EDRF1: variants seen among roughly 807,000 people sequenced by gnomAD.
The protein encoded by EDRF1 is erythroid differentiation-related factor 1.
In EDRF1, 69 loss-of-function variants were observed where a neutral mutation model predicts 148.7. The observed-to-expected ratio is 0.46, with a 90% CI of 0.38 to 0.57. The LOEUF (loss-of-function observed/expected upper bound fraction) is 0.57, where lower values mean the gene tolerates loss of function less well. Ranked by LOEUF, EDRF1 falls within the 20% of genes least tolerant of loss-of-function variation. EDRF1 has a pLI of 0.00. For synonymous variants in EDRF1, 515 were observed against 532.8 expected, an observed-to-expected ratio of 0.97 and a Z score of 0.46; for missense variants, 1,118 against 1,478.7, an observed-to-expected ratio of 0.76 and a Z score of 4.00.
At chr10:125,724,514 G>T (rs1397958958) in intron 4 of EDRF1, among the ~76,000 whole-genome samples, 1 of 152,204 alleles carries the variant, frequency 6.6e-6, no homozygotes, top group African/African-American at 2.4e-5. Context: ...TAGGTAGGGA[G>T]TAGGCTGTAC....
At chr10:125,725,585 A>G (rs983314036) in intron 5 of EDRF1, 97 bp from the exon 6 acceptor site, 1 of 1,573,250 alleles carries the variant, frequency 6.4e-7, no homozygotes, top group Non-Finnish European at 8.7e-7. Flanking sequence ...TACAAGATGT[A>G]TGCTTAATTA....
Position 125,745,744 on chromosome 10 carries a change from G to A in EDRF1, c.2628G>A (p.Trp876Ter). 6.2e-7 allele frequency: 1 copy of A among 1,614,168 alleles called. No individual in the cohort carries two copies. Among genetic ancestry groups the A allele is most frequent in the Non-Finnish European group, 8.5e-7 (1 of 1,180,024 alleles). The change falls in exon 19 of 25, where the codon TGG becomes TGA. Residue 876 changes from tryptophan to a stop codon, truncating the protein, a stop_gained. Coordinates refer to ENST00000356792, the MANE Select transcript of EDRF1 (RefSeq NM_001202438.2). LOFTEE classifies it high-confidence loss of function. ...KSVSAAEQQL[W>*]KKSFSCFEKG... is the part of the protein sequence containing the mutation. ...TGTCTGCTGCCGAGCAACAGTTGTG[G>A]AAAAAAAGCTTTTCTTGTTTTGAAA...
chr10:125,756,901 T>C, intron 24 of EDRF1: 1 of 409,122 alleles, frequency 2.4e-6, no homozygotes, highest in Non-Finnish European at 4.8e-6. Context: ...CAGCCCCAAC[T>C]TCCTGGGCTC....
At chr10:125,722,912 G>A (rs574633907) in intron 2 of EDRF1, among the ~76,000 whole-genome samples, 156 bp from the exon 3 acceptor site, 1 of 152,140 alleles carries the variant, frequency 6.6e-6, no homozygotes, top group African/African-American at 2.4e-5. Flanking sequence ...AAAAAAACTT[G>A]CCAACTGTGA....
At chr10:125,731,359 CTT>C (rs1277547726) in intron 9 of EDRF1, among the ~76,000 whole-genome samples, 1 of 152,118 alleles carries the variant, frequency 6.6e-6, no homozygotes, top group Non-Finnish European at 1.5e-5. Flanking sequence ...GGAGGAAAGA[CTT>C]TGTGGAAGAA....
At chr10:125,734,827 AG>A (rs1321987842) in intron 12 of EDRF1, among the ~76,000 whole-genome samples, 1 of 152,178 alleles carries the variant, frequency 6.6e-6, no homozygotes, top group Non-Finnish European at 1.5e-5. Context: ...TTCACTGTTA[AG>A]GCTATTTGTT....
chr10:125,734,611 C>T (rs778630234), intron 12 of EDRF1, among the ~76,000 whole-genome samples: 10 of 151,984 alleles, frequency 6.6e-5, no homozygotes, highest in Admixed American at 2.0e-4. Context: ...TTTGTTTTGT[C>T]GCTATTAGAC....
intron 18 of EDRF1, among the ~76,000 whole-genome samples, chr10:125,743,491 C>T (rs1849142628): frequency 1.3e-5 from 2 of 152,160 alleles, no homozygotes; most frequent in Non-Finnish European, 2.9e-5. Flanking sequence ...TACTTTTGTA[C>T]TCACTCCATC....
intron 9 of EDRF1, among the ~76,000 whole-genome samples, chr10:125,732,962 TTCTC>T (rs1237772355): frequency 1.3e-5 from 2 of 152,124 alleles, no homozygotes; most frequent in Non-Finnish European, 2.9e-5. Flanking sequence ...TCCTAAATGA[TTCTC>T]TCTCCTTGAG....
Position 125,747,704 on chromosome 10 carries a change from T to C in EDRF1, c.2973+10T>C, listed in dbSNP as rs1379394662. ...AAAAGCTCAGGAGCAGGTGATAATATTTGCTGGAGTATAAAATAAGTTCTC... is the reference window on the plus strand; with the variant it reads ...AAAAGCTCAGGAGCAGGTGATAATACTTGCTGGAGTATAAAATAAGTTCTC... On this transcript the variant is annotated intron_variant, in intron 20 of 24. Transcript: ENST00000356792. 2.7e-5 allele frequency: 43 copies of C among 1,613,990 alleles called. No individual in the cohort carries two copies. Among genetic ancestry groups the C allele is most frequent in the Non-Finnish European group, 3.4e-5 (40 of 1,179,966 alleles).
In EDRF1 at chr10:125,725,307, A is replaced by G. The variant is rs1190651385; in HGVS notation, c.511-11A>G. On this transcript the variant is annotated splice_polypyrimidine_tract_variant and intron_variant, in intron 4 of 24. Coordinates refer to ENST00000356792, the MANE Select transcript of EDRF1 (RefSeq NM_001202438.2). ...GTGTTGTATTAATAATATGTATCTC[A>G]TGTTATCCAGACTGGTGACTGGACA... 1 of 1,613,818 alleles carries G rather than the reference A, an allele frequency of 6.2e-7. No individual in the cohort carries two copies. The highest frequency in any genetic ancestry group is 8.5e-7 in the Non-Finnish European group (1 of 1,179,782).
At chr10:125,743,325 T>C in intron 18 of EDRF1, 49 bp downstream of exon 18, 1 of 1,528,288 alleles carries the variant, frequency 6.5e-7, no homozygotes, top group Non-Finnish European at 9.0e-7. Context: ...CTCAGAAAAT[T>C]ATGCTAATTT....
At chr10:125,726,072 G>A (rs1306258078) in intron 6 of EDRF1, among the ~76,000 whole-genome samples, 3 of 151,962 alleles carry the variant, frequency 2.0e-5, no homozygotes, top group South Asian at 4.1e-4. Context: ...TTATTAAATC[G>A]AAATATAATA....
chr10:125,753,725 A>G lies in EDRF1; in HGVS notation c.3425A>G (p.Asp1142Gly). The change falls in exon 24 of 25, where the codon GAT becomes GGT. Residue 1142 changes from aspartate to glycine, a missense_variant. Around this residue, in one of 3 missense-constraint regions of EDRF1, gnomAD observed 954 missense variants for 1,241.4 expected, o/e 0.77. Coordinates refer to ENST00000356792, the MANE Select transcript of EDRF1 (RefSeq NM_001202438.2). ...PKSGDAAAAADASPSLNREEV... is the reference protein window; with the variant it reads ...PKSGDAAAAAGASPSLNREEV... ...AGTGGTGACGCCGCTGCAGCTGCTG[A>G]TGCTTCTCCTAGTCTCAATCGAGAA... 2 of 1,613,958 alleles carry G rather than the reference A, an allele frequency of 1.2e-6. No homozygotes were observed. Among genetic ancestry groups the G allele is most frequent in the Non-Finnish European group, 1.7e-6 (2 of 1,180,012 alleles).
chr10:125,738,003 T>A lies in EDRF1; in HGVS notation c.1830+14T>A. 6.2e-7 allele frequency: 1 copy of A among 1,612,332 alleles called. No homozygotes were observed. The highest frequency in any genetic ancestry group is 8.5e-7 in the Non-Finnish European group (1 of 1,178,428). On this transcript the variant is annotated intron_variant, in intron 14 of 24. Coordinates refer to ENST00000356792, the MANE Select transcript of EDRF1 (RefSeq NM_001202438.2). ...TATGTTCTAGAGGTAAGTTTAAGTT[T>A]AGTCTTCACTTTTTTCGTAAAGTTT...
Position 125,721,311 on chromosome 10 carries a change from C to T in EDRF1, c.216C>T (p.Asp72=). Residue 72 remains aspartate, a synonymous_variant, in exon 2 of 25, where the codon GAC becomes GAT. Transcript: ENST00000356792. ...TAFARLEEKT[D]LKLPPANWLR... is the part of the protein sequence containing the mutation. ...TTGCACGCCTTGAAGAGAAAACAGA[C>T]TTGAAACTCCCACCTGCCAACTGGT... 6.2e-7 allele frequency: 1 copy of T among 1,614,204 alleles called. No individual in the cohort carries two copies.
intron 24 of EDRF1, among the ~76,000 whole-genome samples, chr10:125,760,398 T>C (rs1850140785): frequency 6.6e-6 from 1 of 152,222 alleles, no homozygotes; most frequent in Non-Finnish European, 1.5e-5. Flanking sequence ...TTTTCTAAGC[T>C]TCTGTTTATT....
intron 16 of EDRF1, 62 bp from the exon 17 acceptor site, chr10:125,740,939 C>G: frequency 6.6e-7 from 1 of 1,516,072 alleles, no homozygotes; most frequent in East Asian, 2.2e-5. Flanking sequence ...CTTCATATTT[C>G]CTATGATCAT....
chr10:125,740,080 A>G (rs773160456), intron 15 of EDRF1, among the ~76,000 whole-genome samples: 6 of 152,204 alleles, frequency 3.9e-5, no homozygotes, highest in Admixed American at 6.5e-5. Context: ...CAACTAGCTA[A>G]GTGGGGAGAA....
Sources: gnomAD v4.1 joint callset for allele counts (sites outside exome capture counted in the v4.1 genomes callset) on GRCh38, gnomAD v4.1.1 for gene constraint, gnomAD v4.1.1 regional missense constraint, MANE v1.5 for transcripts, NCBI Gene and HGNC (gene_info 2026-07-23, HGNC 2026-07-21) for gene names.